NAALADL2: variants seen among roughly 807,000 people sequenced by gnomAD.
NAALADL2 encodes the protein N-acetylated alpha-linked acidic dipeptidase like 2.
NAALADL2 carries 76 observed loss-of-function variants against 87.2 expected under a neutral mutation model. The observed-to-expected ratio is 0.87, with a 90% CI of 0.72 to 1.05. NAALADL2 has a LOEUF of 1.05. Among genes scored for constraint, NAALADL2 ranks in the 50% least tolerant of loss-of-function variants. The pLI, the probability that NAALADL2 is intolerant of heterozygous loss-of-function variation, is 0.00. For synonymous variants in NAALADL2, 354 were observed against 331.0 expected, an observed-to-expected ratio of 1.07 and a Z score of -0.75; for missense variants, 1,089 against 945.8, an observed-to-expected ratio of 1.15 and a Z score of -1.99.
intron 5 of NAALADL2, among the ~76,000 whole-genome samples, chr3:175,410,300 T>A (rs2149087686): frequency 6.6e-6 from 1 of 152,314 alleles, no homozygotes; most frequent in Admixed American, 6.5e-5. Flanking sequence ...ATACACTATT[T>A]TAATAGAAAC....
intron 5 of NAALADL2, among the ~76,000 whole-genome samples, chr3:175,367,885 A>G (rs1174084870): frequency 2.6e-5 from 4 of 152,146 alleles, no homozygotes; most frequent in Non-Finnish European, 5.9e-5. Flanking sequence ...AGAACTTCCA[A>G]CACTATGTTG....
intron 13 of NAALADL2, among the ~76,000 whole-genome samples, chr3:175,787,578 G>GGTGCGCGCACC (rs1752223558): frequency 6.6e-6 from 1 of 151,904 alleles, no homozygotes; most frequent in Non-Finnish European, 1.5e-5. Flanking sequence ...GCTCGCGCAC[G>GGTGCGCGCACC]GTGCGCGCAC....
intron 2 of NAALADL2, among the ~76,000 whole-genome samples, chr3:174,575,202 T>C (rs569880320): frequency 1.3e-5 from 2 of 152,266 alleles, no homozygotes; most frequent in African/African-American, 4.8e-5. Flanking sequence ...CTGCAGGATA[T>C]AATGAATAAA....
chr3:175,374,756 C>A (rs941940631), intron 5 of NAALADL2, among the ~76,000 whole-genome samples: 13 of 151,214 alleles, frequency 8.6e-5, no homozygotes, highest in Non-Finnish European at 1.6e-4. Flanking sequence ...GCCTGCAATG[C>A]CAGCTATTCA....
chr3:175,171,014 T>G (rs1040281306), intron 2 of NAALADL2, among the ~76,000 whole-genome samples: 22 of 151,976 alleles, frequency 1.4e-4, no homozygotes. Context: ...ATTTCTCTAG[T>G]TTCCATAAGG....
chr3:174,982,680 C>G (rs1745273139), intron 1 of NAALADL2, among the ~76,000 whole-genome samples: 1 of 152,144 alleles, frequency 6.6e-6, no homozygotes, highest in Non-Finnish European at 1.5e-5. Flanking sequence ...GCAATAAATG[C>G]TAGATTTCAT....
At chr3:174,595,547 C>G (rs1717806022) in intron 2 of NAALADL2, among the ~76,000 whole-genome samples, 1 of 152,160 alleles carries the variant, frequency 6.6e-6, no homozygotes, top group African/African-American at 2.4e-5. Context: ...TTCAGTTGAA[C>G]TCCCACCACT....
At chr3:174,568,017 T>A (rs976453520) in intron 2 of NAALADL2, among the ~76,000 whole-genome samples, 4 of 151,746 alleles carry the variant, frequency 2.6e-5, no homozygotes, top group African/African-American at 9.7e-5. Flanking sequence ...TTTTCAGGCA[T>A]AAATCCATAA....
intron 10 of NAALADL2, among the ~76,000 whole-genome samples, chr3:175,618,142 A>G (rs894511649): frequency 3.9e-5 from 6 of 152,182 alleles, no homozygotes; most frequent in African/African-American, 1.2e-4. Context: ...GAAATTTCAA[A>G]TACTTGAGTT....
intron 1 of NAALADL2, among the ~76,000 whole-genome samples, chr3:174,500,107 G>A (rs1718792810): frequency 6.6e-6 from 1 of 151,498 alleles, no homozygotes; most frequent in Non-Finnish European, 1.5e-5. Context: ...TCTTGGCAAT[G>A]TTTTATTTTC....
intron 10 of NAALADL2, among the ~76,000 whole-genome samples, chr3:175,582,998 C>T (rs905201503): frequency 6.8e-6 from 1 of 147,214 alleles, no homozygotes; most frequent in African/African-American, 2.4e-5. Flanking sequence ...AGATGCTACT[C>T]GACTTACAGT....
At position 175,113,927 on chromosome 3, in the gene NAALADL2, A is replaced by C. The variant is rs889834555; in HGVS notation, c.545+16636A>C. The stretch of plus-strand genomic sequence containing the variant: ...AGTCTTGGAAAGATAGTCTTGAAGA[A>C]AGGTAGTTTGTGCCTCTGCTCACAG... On this transcript the variant is annotated intron_variant, in intron 2 of 13. Transcript: ENST00000454872. Among the ~76,000 whole-genome samples the C allele has an allele frequency of 4.0e-4, 60 of 151,740 alleles. 1 individual carries two copies. Among genetic ancestry groups the C allele is most frequent in the Admixed American group, 3.9e-3 (59 of 15,178 alleles).
In NAALADL2 at chr3:174,513,947, C is replaced by T. The variant is rs1481752961; in HGVS notation, c.-183-36622C>T. Among the ~76,000 whole-genome samples, 7 of 152,122 alleles carry T rather than the reference C, an allele frequency of 4.6e-5. No individual in the cohort carries two copies. In the South Asian group the frequency reaches 1.2e-3, roughly 27 times the overall value. ...TCAGTATTGCTGATGTCTTCTTTTTCTCTCTCTCTTCCCCTTGTCAGCCCT... is the reference window on the plus strand; with the variant it reads ...TCAGTATTGCTGATGTCTTCTTTTTTTCTCTCTCTTCCCCTTGTCAGCCCT... On this transcript the variant is annotated intron_variant, in intron 1 of 3. Transcript: ENST00000434257.
intron 9 of NAALADL2, among the ~76,000 whole-genome samples, chr3:175,550,280 A>G (rs1386069161): frequency 6.6e-6 from 1 of 152,128 alleles, no homozygotes; most frequent in Non-Finnish European, 1.5e-5. Flanking sequence ...ACCTTAATCT[A>G]AATAAACTGG....
intron 2 of NAALADL2, among the ~76,000 whole-genome samples, chr3:175,180,013 C>T (rs563191373): frequency 6.6e-6 from 1 of 152,028 alleles, no homozygotes; most frequent in East Asian, 1.9e-4. Context: ...TGGTTCAGAA[C>T]AGCTTTTTGA....
At chr3:174,811,534 T>C (rs910956363) in intron 3 of NAALADL2, among the ~76,000 whole-genome samples, 3 of 152,218 alleles carry the variant, frequency 2.0e-5, no homozygotes, top group Non-Finnish European at 4.4e-5. Flanking sequence ...TTTTTCCCTC[T>C]TGGAACAGGA....
At position 175,647,733 on chromosome 3, in the gene NAALADL2, G is replaced by A. The variant is rs115244408; in HGVS notation, c.1896+20347G>A. 6.7e-3 allele frequency among the ~76,000 whole-genome samples: 1,019 copies of A among 152,276 alleles called. 10 individuals are homozygous for A. Among genetic ancestry groups the A allele is most frequent in the African/African-American group, 0.023 (975 of 41,560 alleles). ...TGAAGTGCTTTACACCTGGAGCCCTGTATAAACCTAAGAACTATCTGAGTA... is the reference window on the plus strand; with the variant it reads ...TGAAGTGCTTTACACCTGGAGCCCTATATAAACCTAAGAACTATCTGAGTA... On this transcript the variant is annotated intron_variant, in intron 11 of 13. Coordinates refer to ENST00000454872, the MANE Select transcript of NAALADL2 (RefSeq NM_207015.3).
chr3:174,474,337 C>T (rs35117342), intron 1 of NAALADL2, among the ~76,000 whole-genome samples: 4 of 152,144 alleles, frequency 2.6e-5, no homozygotes, highest in African/African-American at 9.6e-5. Flanking sequence ...CATAATGTTT[C>T]GGAGTTTGAA....
At chr3:174,950,649 C>T (rs539419887) in intron 1 of NAALADL2, among the ~76,000 whole-genome samples, 14 of 152,044 alleles carry the variant, frequency 9.2e-5, no homozygotes, top group African/African-American at 3.1e-4. Flanking sequence ...AATTATTCCC[C>T]CAAATAGTAA....
Sources: allele counts gnomAD v4.1 joint callset (sites outside exome capture counted in the v4.1 genomes callset), GRCh38; gene constraint gnomAD v4.1.1; transcripts MANE v1.5; gene names NCBI Gene and HGNC (gene_info 2026-07-23, HGNC 2026-07-21).